The following PKIA variants were observed in gnomAD, a reference collection of about 807,000 sequenced individuals.
PKIA encodes the protein PKI-alpha.
A neutral mutation model predicts 7.6 loss-of-function variants in PKIA; 4 were observed. The ratio of observed to expected loss-of-function variants is 0.52; its 90% CI spans 0.26 to 1.20. The LOEUF is 1.20. PKIA is among the 50% of genes most tolerant of loss of function. The probability of loss-of-function intolerance (pLI) is 0.13; values close to 1 mark genes in which losing one functional copy is unlikely to be tolerated. For missense variants in PKIA, 73 were observed against 86.2 expected (o/e 0.85, Z 0.61); for synonymous variants, 21 against 30.7 (o/e 0.68, Z 1.04).
At chr8:78,529,890 G>GTTTT (rs10677786) in intron 1 of PKIA, among the ~76,000 whole-genome samples, 72,662 of 151,356 alleles carry the variant, frequency 0.48, 19,590 homozygotes, top group African/African-American at 0.75. Flanking sequence ...GTGAGATCAC[G>GTTTT]TTATTTCCAA....
rs1808355369 is a variant in PKIA at position 78,601,790 on chromosome 8, C to G, written c.200C>G (p.Ala67Gly). ...QRSSTEQSGE[A>G]QGEAAKSES is the part of the protein sequence containing the mutation. ...AGTTCTACAGAACAAAGTGGGGAAGCCCAGGGAGAAGCAGCAAAATCTGAA... is the reference window on the plus strand; with the variant it reads ...AGTTCTACAGAACAAAGTGGGGAAGGCCAGGGAGAAGCAGCAAAATCTGAA... Residue 67 changes from alanine to glycine, a missense_variant, in exon 4 of 4, where the codon GCC becomes GGC. Transcript: ENST00000396418. The G allele has an allele frequency of 1.2e-6, 2 of 1,612,260 alleles. No homozygotes were observed. The highest frequency in any genetic ancestry group is 1.7e-6 in the Non-Finnish European group (2 of 1,178,872).
At chr8:78,589,685 A>G (rs2130245623) in intron 2 of PKIA, among the ~76,000 whole-genome samples, 1 of 152,292 alleles carries the variant, frequency 6.6e-6, no homozygotes, top group African/African-American at 2.4e-5. Context: ...CTGCACCCCT[A>G]CACACTCACA....
At chr8:78,595,637 A>G (rs1465158252) in intron 2 of PKIA, among the ~76,000 whole-genome samples, 1 of 151,894 alleles carries the variant, frequency 6.6e-6, no homozygotes, top group Non-Finnish European at 1.5e-5. Context: ...CTTTGTGTCC[A>G]TTTGTACTCA....
In PKIA at chr8:78,597,476, T is replaced by C. The variant is rs76240464; in HGVS notation, c.-27-882T>C. ...TTTAGAATTGCTGGTGCATGGTGCA[T>C]AGTGGTAATAAAAAGCAAACTGAAT... is the stretch of plus-strand genomic sequence containing the variant. On this transcript the variant is annotated intron_variant, in intron 2 of 3. Coordinates refer to ENST00000396418, the MANE Select transcript of PKIA (RefSeq NM_006823.4). 9.9e-3 allele frequency among the ~76,000 whole-genome samples: 1,511 copies of C among 152,272 alleles called. 24 individuals are homozygous for C. Among genetic ancestry groups the C allele is most frequent in the Non-Finnish European group, 0.015 (996 of 68,018 alleles).
intron 2 of PKIA, among the ~76,000 whole-genome samples, chr8:78,582,525 A>G (rs1807837767): frequency 6.6e-6 from 1 of 152,198 alleles, no homozygotes; most frequent in Admixed American, 6.6e-5. Flanking sequence ...CGTGAGGATT[A>G]TGGAATTACA....
chr8:78,528,794 G>A (rs189823866), intron 1 of PKIA, among the ~76,000 whole-genome samples: 23 of 150,722 alleles, frequency 1.5e-4, no homozygotes, highest in South Asian at 1.5e-3. Context: ...GCGAGACCTC[G>A]TCTATAAAAA....
At chr8:78,541,175 AT>A (rs1309678839) in intron 1 of PKIA, among the ~76,000 whole-genome samples, 4 of 152,208 alleles carry the variant, frequency 2.6e-5, no homozygotes, top group South Asian at 2.1e-4. Flanking sequence ...ATATTCTTAT[AT>A]TTTTTAAGCA....
chr8:78,595,897 T>C (rs1350092472), intron 2 of PKIA, among the ~76,000 whole-genome samples: 2 of 152,178 alleles, frequency 1.3e-5, no homozygotes, highest in Non-Finnish European at 1.5e-5. Flanking sequence ...CCCAGTAATG[T>C]GATTGCTGGG....
rs563132360 is a variant in PKIA, at chr8:78,603,573, C to T, written c.*1752C>T. 6.6e-6 allele frequency: 1 copy of T among 152,052 alleles called. No homozygotes were observed. Among genetic ancestry groups the T allele is most frequent in the Admixed American group, 6.6e-5 (1 of 15,226 alleles). 9.4% of individuals were successfully genotyped at this position (152,052 alleles called of 1,614,324 possible). A position where few individuals can be genotyped will look rare whatever the true frequency, so the allele number is the denominator to read the frequency against. ...TAAATTTTAGAATGCTTCCTTCTGT[C>T]TAATCCATCAGGGGCCAAAATGCCC... On this transcript the variant is annotated 3_prime_UTR_variant, in exon 4 of 4. Coordinates refer to ENST00000396418, the MANE Select transcript of PKIA (RefSeq NM_006823.4).
chr8:78,560,286 T>C (rs1393388897), intron 1 of PKIA, among the ~76,000 whole-genome samples: 1 of 152,214 alleles, frequency 6.6e-6, no homozygotes, highest in Non-Finnish European at 1.5e-5. Flanking sequence ...ATTCTAAATT[T>C]ATATAACACT....
intron 1 of PKIA, among the ~76,000 whole-genome samples, chr8:78,551,169 A>T (rs1806973826): frequency 6.6e-6 from 1 of 152,070 alleles, no homozygotes; most frequent in African/African-American, 2.4e-5. Context: ...AAGAGTGTGG[A>T]TATTACAAAA....
At chr8:78,545,218 C>A (rs1806791999) in intron 1 of PKIA, among the ~76,000 whole-genome samples, 1 of 151,844 alleles carries the variant, frequency 6.6e-6, no homozygotes, top group South Asian at 2.1e-4. Context: ...TTTTCCAACC[C>A]CAGTCTTTGG....
chr8:78,561,957 C>T (rs1016981543), intron 1 of PKIA, among the ~76,000 whole-genome samples: 1 of 152,138 alleles, frequency 6.6e-6, no homozygotes, highest in Non-Finnish European at 1.5e-5. Context: ...CAAATATTTA[C>T]TGGCTTGAAT....
intron 1 of PKIA, among the ~76,000 whole-genome samples, chr8:78,524,552 A>G (rs570118779): frequency 7.2e-5 from 11 of 151,992 alleles, no homozygotes; most frequent in African/African-American, 2.4e-4. Flanking sequence ...CCTAATAATC[A>G]GTAAAAAAGA....
intron 1 of PKIA, among the ~76,000 whole-genome samples, chr8:78,525,052 A>G (rs1481501811): frequency 6.6e-6 from 1 of 151,750 alleles, no homozygotes; most frequent in Admixed American, 6.6e-5. Context: ...GTTCTTTTAA[A>G]ACCATACTTT....
rs115048982 is a variant in PKIA, at chr8:78,541,454, T to G, written c.-157+24986T>G. Among the ~76,000 whole-genome samples, 714 of 152,232 alleles carry G rather than the reference T, an allele frequency of 4.7e-3. 6 individuals carry two copies. Among genetic ancestry groups the G allele is most frequent in the African/African-American group, 0.016 (669 of 41,562 alleles). ...AGAAATGTATTTCCACTGAACTCTTTTATTTCTCTAACCATTGAATTAAGC... is the reference window on the plus strand; with the variant it reads ...AGAAATGTATTTCCACTGAACTCTTGTATTTCTCTAACCATTGAATTAAGC... On this transcript the variant is annotated intron_variant, in intron 1 of 3. Coordinates refer to ENST00000396418, the MANE Select transcript of PKIA (RefSeq NM_006823.4).
chr8:78,523,391 T>C (rs867191108), intron 1 of PKIA, among the ~76,000 whole-genome samples: 4 of 151,932 alleles, frequency 2.6e-5, no homozygotes, highest in Non-Finnish European at 4.4e-5. Flanking sequence ...AAATCAGCAT[T>C]CTTATCTTTG....
At chr8:78,556,484 G>GA (rs1807141446) in intron 1 of PKIA, 1 of 151,984 alleles carries the variant, frequency 6.6e-6, no homozygotes, top group Non-Finnish European at 1.5e-5. Context: ...AAGAAGTGAG[G>GA]AAAAAAGCAC....
rs1169624692 is a variant in PKIA at position 78,524,068 on chromosome 8, TTATA to T, written c.-157+7605_-157+7608del. On this transcript the variant is annotated intron_variant, in intron 1 of 3. Transcript: ENST00000396418. Reference sequence around the variant, plus strand: ...TATAAATATATATAAACATTTATATTTATATATAAATATAAATAAACATTTATAT... The same window carrying T: ...TATAAATATATATAAACATTTATATTTATAAATATAAATAAACATTTATAT... Among the ~76,000 whole-genome samples the T allele has an allele frequency of 4.5e-4, 35 of 78,268 alleles. 3 individuals carry two copies. Among genetic ancestry groups the T allele is most frequent in the Non-Finnish European group, 6.4e-4 (28 of 43,904 alleles). The allele number at this position is 78,268 out of a possible 152,430, so 51.3% of individuals were successfully genotyped here.
Sources: gnomAD v4.1 joint callset for allele counts (sites outside exome capture counted in the v4.1 genomes callset) on GRCh38, gnomAD v4.1.1 for gene constraint, MANE v1.5 for transcripts, NCBI Gene and HGNC (gene_info 2026-07-23, HGNC 2026-07-21) for gene names.